CADM1: variants seen among roughly 807,000 people sequenced by gnomAD.
The protein encoded by CADM1 is cell adhesion molecule 1.
A neutral mutation model predicts 53.1 loss-of-function variants in CADM1; 15 were observed. The observed-to-expected ratio is 0.28, with a 90% CI of 0.19 to 0.44. The LOEUF (loss-of-function observed/expected upper bound fraction) is 0.44, where lower values mean the gene tolerates loss of function less well. CADM1 is among the 20% of genes least tolerant of loss of function. The pLI, the probability that CADM1 is intolerant of heterozygous loss-of-function variation, is 1.00. For synonymous variants in CADM1, 281 were observed against 243.0 expected (o/e 1.16, Z -1.45); for missense variants, 434 against 611.3 (o/e 0.71, Z 3.06).
intron 1 of CADM1, among the ~76,000 whole-genome samples, chr11:115,346,858 C>G (rs948110431): frequency 6.6e-6 from 1 of 152,048 alleles, no homozygotes; most frequent in Admixed American, 6.6e-5. Flanking sequence ...CAACTGTTAG[C>G]AAACTGCCTG....
chr11:115,279,916 G>A (rs556322901), intron 1 of CADM1, among the ~76,000 whole-genome samples: 5 of 152,050 alleles, frequency 3.3e-5, no homozygotes, highest in African/African-American at 4.8e-5. Context: ...ATGAAATTAC[G>A]GCAAGCCAGT....
intron 1 of CADM1, among the ~76,000 whole-genome samples, chr11:115,360,460 A>G (rs1001386736): frequency 1.3e-5 from 2 of 152,248 alleles, no homozygotes; most frequent in Admixed American, 6.5e-5. Context: ...GTGATGGAGA[A>G]AACTATATAC....
intron 3 of CADM1, among the ~76,000 whole-genome samples, chr11:115,235,612 G>A (rs1199118479): frequency 1.3e-5 from 2 of 152,050 alleles, no homozygotes; most frequent in Non-Finnish European, 1.5e-5. Context: ...TAAACATTAC[G>A]CCTACAACAT....
At chr11:115,367,171 G>A (rs961770930) in intron 1 of CADM1, among the ~76,000 whole-genome samples, 22 of 152,206 alleles carry the variant, frequency 1.4e-4, no homozygotes, top group African/African-American at 4.6e-4. Context: ...CTATGATTGC[G>A]CCTGTGAATA....
intron 1 of CADM1, among the ~76,000 whole-genome samples, chr11:115,283,796 T>TGCCA (rs944795126): frequency 6.6e-6 from 1 of 152,120 alleles, no homozygotes; most frequent in African/African-American, 2.4e-5. Context: ...CAGGGCCCTG[T>TGCCA]GCCACCTGTC....
intron 1 of CADM1, among the ~76,000 whole-genome samples, chr11:115,401,486 T>C (rs1335558136): frequency 6.6e-6 from 1 of 152,164 alleles, no homozygotes; most frequent in Non-Finnish European, 1.5e-5. Flanking sequence ...CGCACGCCTG[T>C]AGTCCCAGCT....
chr11:115,459,979 C>T (rs1239067396), intron 1 of CADM1, among the ~76,000 whole-genome samples: 1 of 152,148 alleles, frequency 6.6e-6, no homozygotes, highest in Non-Finnish European at 1.5e-5. Flanking sequence ...TTCCCACAAA[C>T]AGGATTTAAA....
intron 1 of CADM1, among the ~76,000 whole-genome samples, chr11:115,357,847 CCT>C (rs1945917355): frequency 6.6e-6 from 1 of 151,988 alleles, no homozygotes; most frequent in African/African-American, 2.4e-5. Context: ...TTAATAGGAA[CCT>C]CTCACAGGTT....
At chr11:115,381,819 T>C (rs1394984062) in intron 1 of CADM1, among the ~76,000 whole-genome samples, 1 of 152,148 alleles carries the variant, frequency 6.6e-6, no homozygotes, top group Non-Finnish European at 1.5e-5. Flanking sequence ...TTAAGTGGTA[T>C]ACAAATAAAA....
chr11:115,269,888 C>G (rs566216520), intron 1 of CADM1, among the ~76,000 whole-genome samples: 1 of 152,168 alleles, frequency 6.6e-6, no homozygotes, highest in Non-Finnish European at 1.5e-5. Context: ...TAAGAACAAC[C>G]TCTCTACTCC....
At chr11:115,227,774 G>C (rs61907160) in intron 5 of CADM1, among the ~76,000 whole-genome samples, 2 of 152,194 alleles carry the variant, frequency 1.3e-5, no homozygotes, top group Non-Finnish European at 2.9e-5. Flanking sequence ...TTAAGAAAAG[G>C]TTGGAATGGG....
intron 1 of CADM1, among the ~76,000 whole-genome samples, chr11:115,382,497 C>G (rs149804273): frequency 1.3e-3 from 196 of 152,252 alleles, no homozygotes; most frequent in African/African-American, 4.4e-3. Flanking sequence ...CTAAAAGTCC[C>G]TCTCTTCTTG....
At chr11:115,230,447 C>A (rs1010618804) in intron 4 of CADM1, among the ~76,000 whole-genome samples, 2 of 152,164 alleles carry the variant, frequency 1.3e-5, no homozygotes, top group Non-Finnish European at 2.9e-5. Context: ...TTCTGTCAAA[C>A]AATTAGAGGA....
At chr11:115,476,048 G>T (rs1460909) in intron 1 of CADM1, among the ~76,000 whole-genome samples, 4,585 of 152,148 alleles carry the variant, frequency 0.03, 165 homozygotes, top group East Asian at 0.16. Context: ...AATGTAACTT[G>T]CTCATAGTAA....
chr11:115,457,725 C>G (rs923085529), intron 1 of CADM1, among the ~76,000 whole-genome samples: 5 of 152,084 alleles, frequency 3.3e-5, no homozygotes, highest in Non-Finnish European at 7.4e-5. Context: ...AGAAAACCAG[C>G]CTAAGGAGTT....
intron 1 of CADM1, among the ~76,000 whole-genome samples, chr11:115,284,630 C>T (rs746248021): frequency 1.3e-5 from 2 of 152,100 alleles, no homozygotes; most frequent in South Asian, 4.1e-4. Context: ...CTAGTTCCTC[C>T]TTTTCTATTT....
chr11:115,277,325 C>G (rs1025541879), intron 1 of CADM1, among the ~76,000 whole-genome samples: 2 of 152,188 alleles, frequency 1.3e-5, no homozygotes, highest in African/African-American at 4.8e-5. Context: ...CCCTGAAATG[C>G]ATGCTAAAGA....
rs531801505 is a variant in CADM1, at chr11:115,252,727, C to A, written c.125-12307G>T. On this transcript the variant is annotated intron_variant, in intron 1 of 11. Coordinates refer to ENST00000331581, the MANE Select transcript of CADM1 (RefSeq NM_001301043.2). ...GTGTTAGGCTGATAATGCAATGCAC[C>A]CTTCTCCCTGTAAAACCTAAAAAAA... 2.6e-5 allele frequency among the ~76,000 whole-genome samples: 4 copies of A among 152,084 alleles called. No homozygotes were observed. In the South Asian group the frequency reaches 6.2e-4, roughly 24 times the overall value.
chr11:115,209,528 A>G (rs1052199884), intron 8 of CADM1, 46 bp downstream of exon 8: 33 of 1,611,434 alleles, frequency 2.0e-5, no homozygotes, highest in Non-Finnish European at 2.7e-5. Context: ...TACCAGAAAG[A>G]CAATATACAT....
Sources: allele counts gnomAD v4.1 joint callset (sites outside exome capture counted in the v4.1 genomes callset), GRCh38; gene constraint gnomAD v4.1.1; transcripts MANE v1.5; gene names NCBI Gene and HGNC (gene_info 2026-07-23, HGNC 2026-07-21).